Variants in AKAP6 observed in about 807,000 individuals in gnomAD.
The protein encoded by AKAP6 is A-kinase anchoring protein 6, also known as A-kinase anchor protein 6.
In AKAP6, 58 loss-of-function variants were observed where a neutral mutation model predicts 188.5. The observed-to-expected ratio is 0.31, with a 90% confidence interval of 0.25 to 0.38. The LOEUF is 0.38. Among genes scored for constraint, AKAP6 ranks in the 10% least tolerant of loss-of-function variants. The probability of loss-of-function intolerance (pLI) is 1.00; values close to 1 mark genes in which losing one functional copy is unlikely to be tolerated. For missense variants in AKAP6, 2,710 were observed against 2,740.0 expected (o/e 0.99, Z 0.24); for synonymous variants, 989 against 998.6 (o/e 0.99, Z 0.18).
chr14:32,708,935 C>T (rs1170657465), intron 9 of AKAP6, among the ~76,000 whole-genome samples: 1 of 152,012 alleles, frequency 6.6e-6, no homozygotes, highest in Non-Finnish European at 1.5e-5. Flanking sequence ...GTACTAAAGA[C>T]CCATTCTGTG....
In AKAP6 at chr14:32,831,019, A is replaced by C. The variant is rs1378502394; in HGVS notation, c.*1214A>C. 1 of 152,174 alleles carries C rather than the reference A, an allele frequency of 6.6e-6. No individual in the cohort carries two copies. Among genetic ancestry groups the C allele is most frequent in the East Asian group, 1.9e-4 (1 of 5,194 alleles). The allele number at this position is 152,174 out of a possible 1,614,324, so 9.4% of individuals were successfully genotyped here. ...TTGGAACAGCAAATGATTAAATGTC[A>C]GTTCCCCTAAACCAATAAACATTTA... On this transcript the variant is annotated 3_prime_UTR_variant, in exon 14 of 14. Transcript: ENST00000280979.
chr14:32,822,634 A>G lies in AKAP6; in HGVS notation c.4821A>G (p.Glu1607=). The G allele has an allele frequency of 2.5e-6, 4 of 1,614,030 alleles. No homozygotes were observed. The highest frequency in any genetic ancestry group is 3.4e-6 in the Non-Finnish European group (4 of 1,179,950). Residue 1607 remains glutamate (E), a synonymous_variant, in exon 13 of 14, where the codon GAA becomes GAG. Coordinates refer to ENST00000280979, the MANE Select transcript of AKAP6 (RefSeq NM_004274.5). ...GGTTGACTTCCTATAAAAGCAATGA[A>G]GATCTCTTTAGCTGTCACAGCTCTG... ...ESWLTSYKSN[E]DLFSCHSSGD... is the part of the protein sequence containing the mutation.
chr14:32,373,395 G>A (rs1428689325), intron 1 of AKAP6: 5 of 152,046 alleles, frequency 3.3e-5, no homozygotes, highest in Non-Finnish European at 7.3e-5. Flanking sequence ...CATTTCCTGG[G>A]TGGGGGTCCA....
At chr14:32,344,012 CA>C (rs1217383153) in intron 1 of AKAP6, among the ~76,000 whole-genome samples, 4 of 152,176 alleles carry the variant, frequency 2.6e-5, no homozygotes, top group Non-Finnish European at 5.9e-5. Flanking sequence ...TCTCCTCAAG[CA>C]ATTGGAAGCA....
intron 1 of AKAP6, among the ~76,000 whole-genome samples, chr14:32,416,821 T>G (rs1287290028): frequency 6.6e-6 from 1 of 151,984 alleles, no homozygotes; most frequent in Non-Finnish European, 1.5e-5. Context: ...TCACAAAGTG[T>G]ATTTTTTCTT....
At position 32,823,543 on chromosome 14, in the gene AKAP6, G is replaced by A. The variant is rs775643643; in HGVS notation, c.5730G>A (p.Pro1910=). The change falls in exon 13 of 14, where the codon CCG becomes CCA. Residue 1910 remains proline (P), a synonymous_variant. Coordinates refer to ENST00000280979, the MANE Select transcript of AKAP6 (RefSeq NM_004274.5). ...TTCCAGAAAGGCAAAAGGGAAAACC[G>A]AATGTGACTTCAAAGGTATCAGAAA... ...EGIPERQKGK[P]NVTSKVSENL... The A allele has an allele frequency of 3.0e-5, 49 of 1,613,738 alleles. No homozygotes were observed. Among genetic ancestry groups the A allele is most frequent in the South Asian group, 1.2e-4 (11 of 91,066 alleles).
At chr14:32,817,105 G>C (rs150551792) in intron 12 of AKAP6, among the ~76,000 whole-genome samples, 45 of 152,138 alleles carry the variant, frequency 3.0e-4, no homozygotes, top group Middle Eastern at 3.4e-3. Context: ...GTAGACTGTC[G>C]AGTTCCTTTA....
rs36216229 is a variant in AKAP6 at position 32,832,965 on chromosome 14, A to G, written c.*3160A>G. The G allele has an allele frequency of 0.045, 6,859 of 152,748 alleles. 326 individuals are homozygous for G. Among genetic ancestry groups the G allele is most frequent in the African/African-American group, 0.11 (4,579 of 41,554 alleles). 9.5% of individuals were successfully genotyped at this position (152,748 alleles called of 1,614,324 possible). A position where few individuals can be genotyped will look rare whatever the true frequency, so the allele number is the denominator to read the frequency against. ...CTTCATCATCATACATGTAGAAAAG[A>G]ATCTGAACATTTAAGTGCGAAGTTT... On this transcript the variant is annotated 3_prime_UTR_variant, in exon 14 of 14. Transcript: ENST00000280979.
At chr14:32,769,865 AT>A (rs1278847820) in intron 11 of AKAP6, among the ~76,000 whole-genome samples, 1 of 152,102 alleles carries the variant, frequency 6.6e-6, no homozygotes, top group East Asian at 1.9e-4. Context: ...ATATCCTTTT[AT>A]AAACTATATG....
At chr14:32,412,896 T>A (rs563891555) in intron 1 of AKAP6, among the ~76,000 whole-genome samples, 1 of 152,286 alleles carries the variant, frequency 6.6e-6, no homozygotes, top group Admixed American at 6.5e-5. Flanking sequence ...TATGGTGGGC[T>A]GAGAGTAGGT....
chr14:32,410,373 A>T (rs1026260010), intron 1 of AKAP6, among the ~76,000 whole-genome samples: 2 of 152,178 alleles, frequency 1.3e-5, no homozygotes, highest in African/African-American at 4.8e-5. Context: ...TCAACCAGAA[A>T]AAATTTAAAT....
At chr14:32,682,433 A>G (rs556920322) in intron 8 of AKAP6, among the ~76,000 whole-genome samples, 1 of 152,360 alleles carries the variant, frequency 6.6e-6, no homozygotes, top group Non-Finnish European at 1.5e-5. Context: ...CACTCTCTCC[A>G]GCATCTGGCG....
At chr14:32,757,978 G>A (rs2032401860) in intron 11 of AKAP6, among the ~76,000 whole-genome samples, 1 of 152,172 alleles carries the variant, frequency 6.6e-6, no homozygotes, top group South Asian at 2.1e-4. Flanking sequence ...GTGTTGTTTT[G>A]TGTGCTTATT....
intron 8 of AKAP6, among the ~76,000 whole-genome samples, chr14:32,689,711 A>G (rs376279988): frequency 5.3e-5 from 8 of 152,224 alleles, no homozygotes; most frequent in South Asian, 4.1e-4. Flanking sequence ...CACCACTATT[A>G]TATCTCCCTT....
intron 7 of AKAP6, among the ~76,000 whole-genome samples, chr14:32,648,526 A>C (rs1888076777): frequency 6.6e-6 from 1 of 152,120 alleles, no homozygotes; most frequent in Non-Finnish European, 1.5e-5. Context: ...ATGTTTAGTG[A>C]AAATGGTTTC....
chr14:32,780,046 A>G (rs911182852), intron 12 of AKAP6, among the ~76,000 whole-genome samples: 6 of 151,982 alleles, frequency 3.9e-5, no homozygotes, highest in Non-Finnish European at 5.9e-5. Context: ...TCACTGCCTC[A>G]TAAGGATGTC....
At chr14:32,579,738 T>A (rs1300373279) in intron 5 of AKAP6, among the ~76,000 whole-genome samples, 1 of 152,170 alleles carries the variant, frequency 6.6e-6, no homozygotes, top group Non-Finnish European at 1.5e-5. Flanking sequence ...TTATTGTATT[T>A]CTTTACTGTC....
chr14:32,736,616 G>A (rs760074553), intron 11 of AKAP6, among the ~76,000 whole-genome samples: 1 of 152,142 alleles, frequency 6.6e-6, no homozygotes, highest in Non-Finnish European at 1.5e-5. Flanking sequence ...CTTTGGGGTT[G>A]CAGAATTTGA....
chr14:32,430,562 T>C (rs1890184915), intron 1 of AKAP6, among the ~76,000 whole-genome samples: 1 of 152,116 alleles, frequency 6.6e-6, no homozygotes, highest in African/African-American at 2.4e-5. Flanking sequence ...GCGGTGAGTG[T>C]GTATGTGTCA....
Sources: gnomAD v4.1 joint callset for allele counts (sites outside exome capture counted in the v4.1 genomes callset) on GRCh38, gnomAD v4.1.1 for gene constraint, MANE v1.5 for transcripts, NCBI Gene and HGNC (gene_info 2026-07-23, HGNC 2026-07-21) for gene names.